GIGYF2: variants seen among roughly 807,000 people sequenced by gnomAD.
The protein encoded by GIGYF2 is GRB10-interacting GYF protein 2.
GIGYF2 carries 25 observed loss-of-function variants against 208.1 expected under a neutral mutation model. That is an observed-to-expected ratio of 0.12 (90% CI 0.09 to 0.17). The LOEUF (loss-of-function observed/expected upper bound fraction) is 0.17, where lower values mean the gene tolerates loss of function less well. GIGYF2 is among the 10% of genes least tolerant of loss of function. The pLI, the probability that GIGYF2 is intolerant of heterozygous loss-of-function variation, is 1.00. For synonymous variants in GIGYF2, 534 were observed against 543.8 expected (o/e 0.98, Z 0.25); for missense variants, 1,302 against 1,579.4 (o/e 0.82, Z 2.98).
At chr2:232,823,446 A>G (rs1701159522) in intron 21 of GIGYF2, among the ~76,000 whole-genome samples, 1 of 148,396 alleles carries the variant, frequency 6.7e-6, no homozygotes, top group African/African-American at 2.5e-5. Context: ...TCAACCTACC[A>G]TGCTCAGTCA....
At chr2:232,756,380 G>C in intron 6 of GIGYF2, 46 bp downstream of exon 6, 1 of 978,444 alleles carries the variant, frequency 1.0e-6, no homozygotes, top group Non-Finnish European at 1.6e-6. Flanking sequence ...GGAGGAGGAG[G>C]ATAGAGAACT....
chr2:232,745,763 G>T (rs961869668), intron 3 of GIGYF2, among the ~76,000 whole-genome samples: 1 of 152,068 alleles, frequency 6.6e-6, no homozygotes, highest in Non-Finnish European at 1.5e-5. Flanking sequence ...ATAAATTACT[G>T]CAAGTATCAC....
At position 232,819,883 on chromosome 2, in the gene GIGYF2, A is replaced by G. The variant is rs1407583169; in HGVS notation, c.2427A>G (p.Glu809=). 6.3e-7 allele frequency: 1 copy of G among 1,596,484 alleles called. No individual in the cohort carries two copies. The highest frequency in any genetic ancestry group is 8.6e-7 in the Non-Finnish European group (1 of 1,168,132). ...EQEIALRRQR[E]EEERQQQEEA... ...AAATTGCATTAAGGCGACAGCGAGA[A>G]GAGGAAGAAAGACAGCAGCAAGAAG... is the stretch of plus-strand genomic sequence containing the variant. The change falls in exon 21 of 29, where the codon GAA becomes GAG. Residue 809 remains glutamate (E), a synonymous_variant. Coordinates refer to ENST00000373563, the MANE Select transcript of GIGYF2 (RefSeq NM_001103146.3).
intron 2 of GIGYF2, among the ~76,000 whole-genome samples, chr2:232,730,728 C>G (rs1339403686): frequency 6.7e-6 from 1 of 148,922 alleles, no homozygotes; most frequent in Non-Finnish European, 1.5e-5. Context: ...GAAACCCCGT[C>G]TCTACTAAAA....
At chr2:232,760,679 A>C (rs746785464) in intron 7 of GIGYF2, 88 bp downstream of exon 7, 1 of 789,218 alleles carries the variant, frequency 1.3e-6, no homozygotes, top group African/African-American at 1.7e-5. Context: ...GTTTTTGTAC[A>C]GTTAAAGGGT....
intron 5 of GIGYF2, among the ~76,000 whole-genome samples, chr2:232,753,983 G>A (rs1401163624): frequency 6.6e-6 from 1 of 152,054 alleles, no homozygotes; most frequent in Non-Finnish European, 1.5e-5. Flanking sequence ...GGCCAACACT[G>A]TGAAACCCCA....
At chr2:232,771,595 TTGAA>T (rs1699248586) in intron 8 of GIGYF2, among the ~76,000 whole-genome samples, 1 of 152,220 alleles carries the variant, frequency 6.6e-6, no homozygotes, top group South Asian at 2.1e-4. Context: ...TATTGTTTCT[TTGAA>T]TGACAGTTAA....
chr2:232,817,012 G>C lies in GIGYF2; in HGVS notation c.2350G>C (p.Glu784Gln). Reference sequence around the variant, plus strand: ...AGAAAGGAAAAGGCGAGAGGAAGAAGAACTTGCCCGAAGGAAACAGGTATG... The same window carrying C: ...AGAAAGGAAAAGGCGAGAGGAAGAACAACTTGCCCGAAGGAAACAGGTATG... ...EEERKRREEEELARRKQEEAL... is the reference protein window; with the variant it reads ...EEERKRREEEQLARRKQEEAL... Residue 784 changes from glutamate to glutamine, a missense_variant, in exon 20 of 29, where the codon GAA becomes CAA. Glu to Gln is a conservative substitution (Grantham distance 29). This residue lies in a region of GIGYF2 where 701 missense variants were observed against 793.0 expected (regional missense o/e 0.88). Coordinates refer to ENST00000373563, the MANE Select transcript of GIGYF2 (RefSeq NM_001103146.3). The C allele has an allele frequency of 6.2e-7, 1 of 1,613,414 alleles. No individual in the cohort carries two copies. The highest frequency in any genetic ancestry group is 1.1e-5 in the South Asian group (1 of 91,070).
intron 22 of GIGYF2, among the ~76,000 whole-genome samples, chr2:232,834,193 C>G (rs1363182000): frequency 1.3e-5 from 2 of 151,958 alleles, no homozygotes; most frequent in East Asian, 3.8e-4. Context: ...GTTTAGTGTC[C>G]CCTATCTTCA....
At chr2:232,808,614 T>C (rs2106382082) in intron 15 of GIGYF2, among the ~76,000 whole-genome samples, 1 of 152,312 alleles carries the variant, frequency 6.6e-6, no homozygotes, top group East Asian at 1.9e-4. Context: ...AGGTAATCCC[T>C]ACCCTAAGAA....
intron 16 of GIGYF2, chr2:232,810,716 C>T (rs534859834): frequency 3.4e-5 from 6 of 178,256 alleles, no homozygotes; most frequent in African/African-American, 1.4e-4. Context: ...ATATGAGCTG[C>T]ATAGATGAAA....
chr2:232,850,168 A>G (rs2106431700), intron 27 of GIGYF2, 94 bp from the exon 28 acceptor site: 3 of 1,066,720 alleles, frequency 2.8e-6, no homozygotes, highest in South Asian at 1.3e-5. Context: ...TTTTAAGCTC[A>G]TTCTTGATAA....
At chr2:232,723,787 C>T (rs1462619519) in intron 2 of GIGYF2, among the ~76,000 whole-genome samples, 4 of 123,584 alleles carry the variant, frequency 3.2e-5, no homozygotes, top group Non-Finnish European at 6.3e-5. Context: ...GGCTGGAGTG[C>T]AGTAGCACGA....
At chr2:232,741,353 A>G (rs1212387620) in intron 3 of GIGYF2, among the ~76,000 whole-genome samples, 2 of 151,232 alleles carry the variant, frequency 1.3e-5, no homozygotes, top group African/African-American at 4.9e-5. Context: ...CTGAATCTCT[A>G]TTGCTATCAC....
At chr2:232,709,758 G>A (rs553875300) in intron 2 of GIGYF2, among the ~76,000 whole-genome samples, 78 of 151,770 alleles carry the variant, frequency 5.1e-4, no homozygotes, top group Non-Finnish European at 9.0e-4. Flanking sequence ...TCAGTGAGCC[G>A]AGATTGCACC....
chr2:232,799,954 C>CT lies in GIGYF2; in HGVS notation c.1639+3744dup, dbSNP rs199504521. On this transcript the variant is annotated intron_variant, in intron 14 of 28. Coordinates refer to ENST00000373563, the MANE Select transcript of GIGYF2 (RefSeq NM_001103146.3). ...TGAAATGTCTATTCAAGTCCTTTGC[C>CT]TTTTTTTTTTTAATTGGGTTGTTAA... 9.3e-3 allele frequency among the ~76,000 whole-genome samples: 1,316 copies of CT among 141,546 alleles called. 32 individuals carry two copies. Among genetic ancestry groups the CT allele is most frequent in the Admixed American group, 0.056 (799 of 14,220 alleles). The allele number at this position is 141,546 out of a possible 152,430, so 92.9% of individuals were successfully genotyped here.
At chr2:232,814,790 T>C (rs1700861561) in intron 18 of GIGYF2, among the ~76,000 whole-genome samples, 2 of 152,212 alleles carry the variant, frequency 1.3e-5, no homozygotes, top group Admixed American at 1.3e-4. Flanking sequence ...TTTTAAGTAC[T>C]GTATTAAACA....
At chr2:232,748,819 CA>C (rs1698241933) in intron 4 of GIGYF2, among the ~76,000 whole-genome samples, 167 bp from the exon 5 acceptor site, 1 of 152,114 alleles carries the variant, frequency 6.6e-6, no homozygotes. Context: ...TTGACTCTCT[CA>C]AAATGTATAA....
intron 2 of GIGYF2, among the ~76,000 whole-genome samples, chr2:232,715,198 G>A (rs1696625041): frequency 6.6e-6 from 1 of 152,080 alleles, no homozygotes; most frequent in African/African-American, 2.4e-5. Context: ...CATGCAAATA[G>A]TTTGTTTTTT....
Sources: gnomAD v4.1 joint callset for allele counts (sites outside exome capture counted in the v4.1 genomes callset) on GRCh38, gnomAD v4.1.1 for gene constraint, gnomAD v4.1.1 regional missense constraint, MANE v1.5 for transcripts, NCBI Gene and HGNC (gene_info 2026-07-23, HGNC 2026-07-21) for gene names.